The following AIG1 variants were observed in gnomAD, a reference collection of about 807,000 sequenced individuals.
AIG1 encodes the protein androgen induced 1.
AIG1 carries 23 observed loss-of-function variants against 31.4 expected under a neutral mutation model. The observed-to-expected ratio is 0.73, with a 90% CI of 0.53 to 1.04. The LOEUF (loss-of-function observed/expected upper bound fraction) is 1.04, where lower values mean the gene tolerates loss of function less well. Among genes scored for constraint, AIG1 ranks in the 50% least tolerant of loss-of-function variants. AIG1 has a pLI of 0.00. For synonymous variants in AIG1, 100 were observed against 110.5 expected, an observed-to-expected ratio of 0.90 and a Z score of 0.60; for missense variants, 274 against 295.0, an observed-to-expected ratio of 0.93 and a Z score of 0.52.
chr6:143,262,617 G>A (rs571110078), intron 3 of AIG1, among the ~76,000 whole-genome samples: 3 of 152,076 alleles, frequency 2.0e-5, no homozygotes, highest in Admixed American at 1.3e-4. Flanking sequence ...CTACAATGAC[G>A]AAAGGGATTT....
intron 1 of AIG1, among the ~76,000 whole-genome samples, chr6:143,124,334 GC>G (rs1422968234): frequency 6.6e-6 from 1 of 152,170 alleles, no homozygotes; most frequent in African/African-American, 2.4e-5. Flanking sequence ...GTGTTGCTCT[GC>G]CCCAGCCACA....
Position 143,327,189 on chromosome 6 carries a change from G to A in AIG1, c.516-6093G>A, listed in dbSNP as rs150539951. ...GCACATGGGAAAAATCAACATATTA[G>A]AGAGATGTAAGGGGTAACCTTGATA... On this transcript the variant is annotated intron_variant, in intron 4 of 5. Transcript: ENST00000357847. This position sits in a 1 kb window ranked among gnomAD's most constrained non-coding sequence, Gnocchi z 5.3. The A allele has an allele frequency of 0.011, 1,724 of 159,804 alleles. 28 individuals are homozygous for A. Among genetic ancestry groups the A allele is most frequent in the Middle Eastern group, 0.033 (11 of 336 alleles). The allele number at this position is 159,804 out of a possible 1,614,324, so 9.9% of individuals were successfully genotyped here.
At chr6:143,245,624 C>G (rs1206575441) in intron 3 of AIG1, among the ~76,000 whole-genome samples, 3 of 152,220 alleles carry the variant, frequency 2.0e-5, no homozygotes, top group Admixed American at 6.5e-5. Context: ...GATGAGGGTG[C>G]TGAAGCAGTC....
intron 2 of AIG1, among the ~76,000 whole-genome samples, chr6:143,139,773 C>T (rs1019669131): frequency 6.6e-6 from 1 of 151,988 alleles, no homozygotes; most frequent in Non-Finnish European, 1.5e-5. Context: ...CTGTTTCTGT[C>T]TTGCTATGCT....
In AIG1 at chr6:143,320,819, GA is replaced by G. The variant is rs1459600406; in HGVS notation, c.516-12462del. The stretch of plus-strand genomic sequence containing the variant: ...GTACTTAAAACTTGTTAAGCGAGTA[GA>G]TTTTTTTTTTTTTTTTTTGAGAAGG... On this transcript the variant is annotated intron_variant, in intron 4 of 5. Transcript: ENST00000357847. 5.5e-5 allele frequency among the ~76,000 whole-genome samples: 6 copies of G among 109,168 alleles called. No homozygotes were observed. In the East Asian group the frequency reaches 9.9e-4, roughly 18 times the overall value. The allele number at this position is 109,168 out of a possible 152,430, so 71.6% of individuals were successfully genotyped here.
intron 3 of AIG1, among the ~76,000 whole-genome samples, chr6:143,210,866 T>C (rs941574687): frequency 1.3e-5 from 2 of 152,190 alleles, no homozygotes; most frequent in Non-Finnish European, 2.9e-5. Flanking sequence ...ACTAAAAATA[T>C]TAACATACAG....
chr6:143,244,574 T>G (rs1164938034), intron 3 of AIG1, among the ~76,000 whole-genome samples: 1 of 152,198 alleles, frequency 6.6e-6, no homozygotes, highest in Non-Finnish European at 1.5e-5. Context: ...CTGCTGAGAA[T>G]GCACTATATA....
intron 1 of AIG1, among the ~76,000 whole-genome samples, chr6:143,065,122 GTAA>G (rs1013736552): frequency 3.9e-5 from 6 of 152,182 alleles, no homozygotes; most frequent in African/African-American, 1.4e-4. Context: ...GTGGAATGTT[GTAA>G]TGTTGGTTAA....
At chr6:143,308,901 A>G (rs956641206) in intron 4 of AIG1, among the ~76,000 whole-genome samples, 1 of 152,116 alleles carries the variant, frequency 6.6e-6, no homozygotes, top group South Asian at 2.1e-4. Flanking sequence ...TCTGAGTGTA[A>G]CATCCATAGG....
chr6:143,270,117 C>T (rs960817239), intron 3 of AIG1, among the ~76,000 whole-genome samples: 2 of 152,168 alleles, frequency 1.3e-5, no homozygotes, highest in African/African-American at 4.8e-5. Context: ...GTACTGCAGA[C>T]TCCTATAGAT....
intron 3 of AIG1, chr6:143,187,719 C>T (rs1025133612): frequency 1.4e-5 from 21 of 1,535,866 alleles, no homozygotes; most frequent in Admixed American, 2.0e-5. Flanking sequence ...CTTGCTCCAG[C>T]AATGACTAAA....
intron 3 of AIG1, among the ~76,000 whole-genome samples, chr6:143,202,104 CTT>C (rs1204999893): frequency 2.0e-5 from 3 of 152,166 alleles, no homozygotes; most frequent in African/African-American, 7.2e-5. Context: ...TACCAACTCT[CTT>C]ATATCGTGTT....
chr6:143,187,763 C>G, intron 3 of AIG1: 1 of 1,520,518 alleles, frequency 6.6e-7, no homozygotes, highest in African/African-American at 1.4e-5. Flanking sequence ...CTGCTCTGCA[C>G]AAGAAGGACA....
At chr6:143,084,161 G>T (rs996583833) in intron 1 of AIG1, among the ~76,000 whole-genome samples, 1 of 152,212 alleles carries the variant, frequency 6.6e-6, no homozygotes, top group East Asian at 1.9e-4. Context: ...AAGCATACCC[G>T]AGGCTCTGTG....
intron 3 of AIG1, among the ~76,000 whole-genome samples, chr6:143,202,396 T>A (rs1438933000): frequency 1.3e-5 from 2 of 152,144 alleles, no homozygotes; most frequent in Non-Finnish European, 2.9e-5. Context: ...TAAAATTGGG[T>A]CATGCAACTC....
At chr6:143,139,859 C>G (rs1784103354) in intron 2 of AIG1, among the ~76,000 whole-genome samples, 1 of 151,814 alleles carries the variant, frequency 6.6e-6, no homozygotes, top group South Asian at 2.1e-4. Context: ...ATTTTGAGGC[C>G]AAAAAAAGCC....
chr6:143,068,856 CTT>C (rs990030847), intron 1 of AIG1, among the ~76,000 whole-genome samples: 3 of 152,054 alleles, frequency 2.0e-5, no homozygotes, highest in Non-Finnish European at 2.9e-5. Flanking sequence ...TTCTTTAAAA[CTT>C]ATTTTAAAAT....
intron 3 of AIG1, among the ~76,000 whole-genome samples, chr6:143,250,271 G>A (rs574605205): frequency 6.6e-6 from 1 of 152,190 alleles, no homozygotes; most frequent in East Asian, 1.9e-4. Context: ...TTTCTTCTGT[G>A]GAATCTCCTG....
chr6:143,263,795 A>G (rs1795970452), intron 3 of AIG1, among the ~76,000 whole-genome samples: 1 of 152,280 alleles, frequency 6.6e-6, no homozygotes, highest in Non-Finnish European at 1.5e-5. Context: ...TTACTTGAAA[A>G]ACCATTCCCC....
Sources: allele counts gnomAD v4.1 joint callset (sites outside exome capture counted in the v4.1 genomes callset), GRCh38; gene constraint gnomAD v4.1.1; non-coding constraint Gnocchi (gnomAD v3.1); transcripts MANE v1.5; gene names NCBI Gene and HGNC (gene_info 2026-07-23, HGNC 2026-07-21).